Variants in LARGE1 observed in about 807,000 individuals in gnomAD.
The protein encoded by LARGE1 is LARGE xylosyl- and glucuronyltransferase 1.
A neutral mutation model predicts 87.6 loss-of-function variants in LARGE1; 43 were observed. That is an observed-to-expected ratio of 0.49 (90% CI 0.38 to 0.63). LARGE1 has a LOEUF of 0.63. Among genes scored for constraint, LARGE1 ranks in the 30% least tolerant of loss-of-function variants. The pLI is 0.00. For missense variants in LARGE1, 802 were observed against 1,000.2 expected (o/e 0.80, Z 2.67); for synonymous variants, 434 against 394.6 (o/e 1.10, Z -1.18).
At chr22:33,791,694 T>A (rs768814980) in intron 1 of LARGE1, among the ~76,000 whole-genome samples, 3 of 152,228 alleles carry the variant, frequency 2.0e-5, no homozygotes, top group South Asian at 2.1e-4. Context: ...GATTATTATA[T>A]AGAAATCATT....
At chr22:33,797,442 G>A (rs763122191) in intron 1 of LARGE1, among the ~76,000 whole-genome samples, 17 of 152,130 alleles carry the variant, frequency 1.1e-4, no homozygotes, top group Non-Finnish European at 2.1e-4. Context: ...TAAAACCATC[G>A]TGTTAACCTA....
At chr22:33,774,216 C>T (rs866484466) in intron 1 of LARGE1, among the ~76,000 whole-genome samples, 22 of 150,840 alleles carry the variant, frequency 1.5e-4, no homozygotes, top group African/African-American at 4.9e-4. Context: ...AAATTTAGCA[C>T]CAGAAAATGA....
intron 11 of LARGE1, among the ~76,000 whole-genome samples, chr22:33,175,451 G>A (rs926094580): frequency 1.2e-4 from 19 of 152,268 alleles, no homozygotes; most frequent in African/African-American, 4.6e-4. Flanking sequence ...AGCAACTTCA[G>A]CAAAGTCTCA....
intron 1 of LARGE1, among the ~76,000 whole-genome samples, chr22:33,794,710 C>G (rs201204439): frequency 6.7e-6 from 1 of 148,804 alleles, no homozygotes; most frequent in African/African-American, 2.5e-5. Context: ...AACCTCCGCT[C>G]CCGGGTTCAA....
intron 10 of LARGE1, among the ~76,000 whole-genome samples, chr22:33,317,954 T>A (rs2146323704): frequency 6.6e-6 from 1 of 152,126 alleles, no homozygotes; most frequent in East Asian, 1.9e-4. Context: ...TGGGAGGACT[T>A]GGCCAGGCAC....
At position 33,729,072 on chromosome 22, in the gene LARGE1, A is replaced by C. The variant is rs143915805; in HGVS notation, c.106+32299T>G. Among the ~76,000 whole-genome samples, 7 of 152,320 alleles carry C rather than the reference A, an allele frequency of 4.6e-5. No individual in the cohort carries two copies. In the East Asian group the frequency reaches 1.2e-3, roughly 25 times the overall value. Reference sequence around the variant, plus strand: ...AGTGTCATCATAAAATAATGCATAGAGATGATGAACTGACGATGATATAGT... The same window carrying C: ...AGTGTCATCATAAAATAATGCATAGCGATGATGAACTGACGATGATATAGT... On this transcript the variant is annotated intron_variant, in intron 2 of 14. Coordinates refer to ENST00000397394, the MANE Select transcript of LARGE1 (RefSeq NM_133642.5).
At chr22:33,577,589 G>A (rs2078391820) in intron 5 of LARGE1, among the ~76,000 whole-genome samples, 1 of 152,100 alleles carries the variant, frequency 6.6e-6, no homozygotes, top group Non-Finnish European at 1.5e-5. Context: ...ATCTAAAAAG[G>A]GCAGCCACAT....
chr22:33,689,632 G>T (rs1173410618), intron 2 of LARGE1, among the ~76,000 whole-genome samples: 1 of 152,100 alleles, frequency 6.6e-6, no homozygotes, highest in African/African-American at 2.4e-5. Context: ...AAAAAGGTGA[G>T]GTGGGGGAGA....
At chr22:33,694,832 G>A (rs553999367) in intron 2 of LARGE1, among the ~76,000 whole-genome samples, 1 of 152,280 alleles carries the variant, frequency 6.6e-6, no homozygotes, top group Non-Finnish European at 1.5e-5. Flanking sequence ...ACTAGTGGTC[G>A]TGTTTGCATG....
chr22:33,249,551 C>G lies in LARGE1; in HGVS notation c.1730+54678G>C, dbSNP rs373749305. 7.7e-4 allele frequency among the ~76,000 whole-genome samples: 118 copies of G among 152,276 alleles called. 2 individuals carry two copies. The South Asian group carries it at 0.012, about 16-fold the overall frequency. On this transcript the variant is annotated intron_variant, in intron 11 of 11. Transcript: ENST00000608642. The stretch of plus-strand genomic sequence containing the variant: ...CAGAAGTTTTCTATTTTAATGAAGT[C>G]TAGCCTATTAGTTATTTCTTCCACA...
At chr22:33,227,659 T>C (rs1245774737) in intron 11 of LARGE1, among the ~76,000 whole-genome samples, 2 of 152,238 alleles carry the variant, frequency 1.3e-5, no homozygotes, top group Non-Finnish European at 2.9e-5. Context: ...TAAAATTTGC[T>C]TTATTTCAAG....
rs370700187 is a variant in LARGE1, at chr22:33,277,193, G to A, written c.1940C>T (p.Thr647Met). The A allele has an allele frequency of 1.5e-5, 25 of 1,614,136 alleles. No homozygotes were observed. The highest frequency in any genetic ancestry group is 5.5e-5 in the South Asian group (5 of 91,090). Residue 647 changes from threonine (T) to methionine (M), a missense_variant, in exon 14 of 15, where the codon ACG becomes ATG. By Grantham distance (81) the Thr-to-Met change is moderately conservative (BLOSUM62 -1). This residue lies in a region of LARGE1 where 625 missense variants were observed against 841.9 expected (regional missense o/e 0.74). Coordinates refer to ENST00000397394, the MANE Select transcript of LARGE1 (RefSeq NM_133642.5). ...TNFAKWRTAT[T>M]PYRVEWEADF... ...GGCCTCCCACTCAACCCGGTAAGGCGTGGTGGCGGTCCGCCACTTGGCGAA... is the reference window on the plus strand; with the variant it reads ...GGCCTCCCACTCAACCCGGTAAGGCATGGTGGCGGTCCGCCACTTGGCGAA...
chr22:33,556,187 G>C (rs2148725201), intron 6 of LARGE1, among the ~76,000 whole-genome samples: 1 of 152,006 alleles, frequency 6.6e-6, no homozygotes, highest in South Asian at 2.1e-4. Context: ...ACACTTGCAT[G>C]TAACCATGTG....
At chr22:33,229,893 G>A (rs934474961) in intron 11 of LARGE1, among the ~76,000 whole-genome samples, 4 of 151,594 alleles carry the variant, frequency 2.6e-5, no homozygotes, top group Non-Finnish European at 4.4e-5. Flanking sequence ...AGCAAGGAGA[G>A]GGGGAAAAAT....
intron 5 of LARGE1, among the ~76,000 whole-genome samples, chr22:33,580,823 G>C (rs909688472): frequency 1.2e-4 from 18 of 152,214 alleles, no homozygotes; most frequent in African/African-American, 4.3e-4. Context: ...TTAGCCAGTA[G>C]TGAGCAGATT....
At chr22:33,270,651 C>A (rs1169422727), downstream of LARGE1, among the ~76,000 whole-genome samples, 1 of 152,146 alleles carries the variant, frequency 6.6e-6, no homozygotes, top group Admixed American at 6.5e-5. Flanking sequence ...CTTATTATCT[C>A]TACCAAGAGT....
the LARGE1 span, among the ~76,000 whole-genome samples, chr22:33,080,195 T>C: frequency 6.6e-6 from 1 of 152,254 alleles, no homozygotes; most frequent in Non-Finnish European, 1.5e-5. Context: ...CAAGCACTTA[T>C]GTAGTGTCTA....
At chr22:33,896,651 A>C (rs779101631) in intron 1 of LARGE1, among the ~76,000 whole-genome samples, 8 of 152,106 alleles carry the variant, frequency 5.3e-5, no homozygotes, top group Non-Finnish European at 7.4e-5. Flanking sequence ...GAATGTTCAA[A>C]CTTCACAGTG....
At chr22:33,672,587 G>A (rs1202811618) in intron 2 of LARGE1, among the ~76,000 whole-genome samples, 1 of 152,188 alleles carries the variant, frequency 6.6e-6, no homozygotes, top group Non-Finnish European at 1.5e-5. Context: ...ACCAATTTGG[G>A]TGGGGAAGTA....
Sources: allele counts gnomAD v4.1 joint callset (sites outside exome capture counted in the v4.1 genomes callset), GRCh38; gene constraint gnomAD v4.1.1; regional missense constraint gnomAD v4.1.1; transcripts MANE v1.5; gene names NCBI Gene and HGNC (gene_info 2026-07-23, HGNC 2026-07-21).